TTLL4: variants seen among roughly 807,000 people sequenced by gnomAD.
TTLL4 encodes the protein tubulin monoglutamylase TTLL4.
Under a neutral mutation model 122.7 loss-of-function variants are expected in TTLL4, and 85 were observed. That is an observed-to-expected ratio of 0.69 (90% confidence interval 0.58 to 0.83). The LOEUF is 0.83. TTLL4 is among the 40% of genes least tolerant of loss of function. The pLI is 0.00. For missense variants in TTLL4, 1,363 were observed against 1,488.6 expected (o/e 0.92, Z 1.39); for synonymous variants, 553 against 563.0 (o/e 0.98, Z 0.25).
At position 218,738,293 on chromosome 2, in the gene TTLL4, C is replaced by T; in HGVS notation, c.617C>T (p.Pro206Leu). 2 of 1,614,120 alleles carry T rather than the reference C, an allele frequency of 1.2e-6. No individual in the cohort carries two copies. The highest frequency in any genetic ancestry group is 1.7e-6 in the Non-Finnish European group (2 of 1,180,028). Reference protein sequence around the residue: ...SLASAISGKIPSPLSSSYKPM... With the variant: ...SLASAISGKILSPLSSSYKPM... ...GCCTCTGCCATCTCAGGGAAGATCC[C>T]ATCTCCACTCTCTTCCTCCTATAAG... Residue 206 changes from proline (P) to leucine (L), a missense_variant, in exon 3 of 20, where the codon CCA (proline) becomes CTA (leucine). Pro to Leu is a moderately conservative substitution (Grantham distance 98). Coordinates refer to ENST00000392102, the MANE Select transcript of TTLL4 (RefSeq NM_014640.5).
In TTLL4 at chr2:218,752,954, C is replaced by T; in HGVS notation, c.3168C>T (p.Tyr1056=). Residue 1056 remains tyrosine (Y), a synonymous_variant, in exon 17 of 20, where the codon TAC becomes TAT. Transcript: ENST00000392102. ...NILTTQWEQK[Y]HGNKLKGVDL... ...TCACCACCCAATGGGAACAGAAATA[C>T]CATGGCAACAAGCTTAAAGGTGATG... The T allele has an allele frequency of 6.2e-7, 1 of 1,614,134 alleles. No individual in the cohort carries two copies. The highest frequency in any genetic ancestry group is 8.5e-7 in the Non-Finnish European group (1 of 1,180,026).
intron 14 of TTLL4, 41 bp downstream of exon 14, chr2:218,749,428 A>G (rs1366147925): frequency 1.2e-6 from 2 of 1,605,898 alleles, no homozygotes; most frequent in South Asian, 1.1e-5. Context: ...GAATCCTTCC[A>G]TTATTCTCAC....
At chr2:218,719,295 A>T (rs1941963593) in intron 1 of TTLL4, among the ~76,000 whole-genome samples, 2 of 152,168 alleles carry the variant, frequency 1.3e-5, no homozygotes, top group African/African-American at 4.8e-5. Context: ...CATGAAGCTT[A>T]TAGGGCATAT....
At position 218,738,039 on chromosome 2, in the gene TTLL4, C is replaced by T; in HGVS notation, c.363C>T (p.Ser121=). Residue 121 remains serine (S), a synonymous_variant, in exon 3 of 20, where the codon TCC becomes TCT. Transcript: ENST00000392102. ...ACAGCACCCTGCTATACCGCCGCTC[C>T]AGCTATAGGCAAAAACCGTACCAGC... The part of the protein sequence containing the change: ...LFNSTLLYRR[S]SYRQKPYQQL... 2 of 1,614,160 alleles carry T rather than the reference C, an allele frequency of 1.2e-6. No homozygotes were observed. Among genetic ancestry groups the T allele is most frequent in the Non-Finnish European group, 1.7e-6 (2 of 1,180,040 alleles).
intron 12 of TTLL4, 124 bp from the exon 13 acceptor site, chr2:218,748,712 T>C (rs1942920648): frequency 1.4e-6 from 1 of 690,078 alleles, no homozygotes; most frequent in South Asian, 2.1e-5. Context: ...ATCTCTTTCA[T>C]AATTTAAACT....
intron 14 of TTLL4, 27 bp from the exon 15 acceptor site, chr2:218,749,982 A>G (rs1429246781): frequency 9.3e-6 from 15 of 1,612,408 alleles, no homozygotes; most frequent in Middle Eastern, 1.6e-4. Context: ...TGCTGCTTTG[A>G]CCACTCTTTT....
At chr2:218,722,658 T>G (rs1022865577) in intron 1 of TTLL4, among the ~76,000 whole-genome samples, 1 of 152,162 alleles carries the variant, frequency 6.6e-6, no homozygotes, top group African/African-American at 2.4e-5. Context: ...GATCACATAG[T>G]CCTGGAAGCC....
intron 2 of TTLL4, among the ~76,000 whole-genome samples, chr2:218,730,918 A>G (rs553307571): frequency 6.6e-6 from 1 of 152,306 alleles, no homozygotes; most frequent in South Asian, 2.1e-4. Flanking sequence ...AGCCTGGGCA[A>G]CATAGTGGAA....
chr2:218,732,794 T>C (rs1942416857), intron 2 of TTLL4, among the ~76,000 whole-genome samples: 1 of 152,256 alleles, frequency 6.6e-6, no homozygotes, highest in Non-Finnish European at 1.5e-5. Context: ...TAGTTAGGCC[T>C]CTGCCTCCCA....
intron 6 of TTLL4, 173 bp downstream of exon 6, chr2:218,745,406 G>A (rs1357034091): frequency 1.2e-5 from 10 of 816,622 alleles, no homozygotes; most frequent in African/African-American, 5.2e-5. Flanking sequence ...CCTTTTTCTT[G>A]TCTGTCCTTT....
In TTLL4 at chr2:218,753,330, C is replaced by G. The variant is rs1943075641; in HGVS notation, c.3258+145C>G. Reference sequence around the variant, plus strand: ...CTTCTGTCTCACCATTCTTTCCTTTCAAGGGAATAGTTGCCTCCAGGATTC... The same window carrying G: ...CTTCTGTCTCACCATTCTTTCCTTTGAAGGGAATAGTTGCCTCCAGGATTC... On this transcript the variant is annotated intron_variant, in intron 18 of 19. Coordinates refer to ENST00000392102, the MANE Select transcript of TTLL4 (RefSeq NM_014640.5). 2.9e-6 allele frequency: 3 copies of G among 1,024,364 alleles called. No individual in the cohort carries two copies. In the East Asian group the frequency reaches 7.1e-5, roughly 24 times the overall value. The allele number at this position is 1,024,364 out of a possible 1,614,324, so 63.5% of individuals were successfully genotyped here.
intron 1 of TTLL4, among the ~76,000 whole-genome samples, chr2:218,719,417 GTAAA>G (rs770272172): frequency 1.6e-4 from 24 of 152,120 alleles, no homozygotes; most frequent in Non-Finnish European, 3.2e-4. Context: ...TCTGGAAAAG[GTAAA>G]TAAAATATGG....
intron 2 of TTLL4, among the ~76,000 whole-genome samples, chr2:218,731,274 C>T (rs917716723): frequency 6.6e-6 from 1 of 151,750 alleles, no homozygotes; most frequent in Non-Finnish European, 1.5e-5. Flanking sequence ...AGCCAGGCGT[C>T]GTGGCGGGTG....
chr2:218,716,877 C>CT (rs1575156527), intron 1 of TTLL4, among the ~76,000 whole-genome samples: 2 of 152,184 alleles, frequency 1.3e-5, no homozygotes, highest in East Asian at 3.8e-4. Context: ...GGGTAAGAAT[C>CT]TAATTTCGTG....
chr2:218,752,830 A>G lies in TTLL4; in HGVS notation c.3044A>G (p.Asp1015Gly), dbSNP rs756510278. The change falls in exon 17 of 20, where the codon GAT (aspartate) becomes GGT (glycine). Residue 1015 changes from aspartate to glycine, a missense_variant. By Grantham distance (94) the Asp-to-Gly change is moderately conservative. Around this residue, in one of 3 missense-constraint regions of TTLL4, gnomAD observed 596 missense variants for 655.8 expected, o/e 0.91. Coordinates refer to ENST00000392102, the MANE Select transcript of TTLL4 (RefSeq NM_014640.5). The stretch of plus-strand genomic sequence containing the variant: ...GTTCGGATTCTGGTTGAGATGGAAG[A>G]TGAGTTTTCTCGCCGTGGTCAGTTT... ...DDVRILVEME[D>G]EFSRRGQFER... is the part of the protein sequence containing the mutation. The G allele has an allele frequency of 6.2e-7, 1 of 1,614,008 alleles. No individual in the cohort carries two copies. The highest frequency in any genetic ancestry group is 8.5e-7 in the Non-Finnish European group (1 of 1,180,028).
At chr2:218,758,032 TC>T (rs905938549), downstream of TTLL4, among the ~76,000 whole-genome samples, 1 of 152,148 alleles carries the variant, frequency 6.6e-6, no homozygotes, top group Non-Finnish European at 1.5e-5. Flanking sequence ...CTTTTAGAGT[TC>T]CCCCTGTAGC....
chr2:218,737,743 G>T lies in TTLL4; in HGVS notation c.67G>T (p.Gly23Cys). ...LRQKNSFKQS[G>C]PSGTVPATPP... ...CCAGAAAAACAGCTTCAAGCAGAGT[G>T]GTCCCTCAGGCACAGTACCTGCCAC... The change falls in exon 3 of 20, where the codon GGT becomes TGT. Residue 23 changes from glycine (G) to cysteine (C), a missense_variant. Around this residue, in one of 3 missense-constraint regions of TTLL4, gnomAD observed 760 missense variants for 808.4 expected, o/e 0.94. Coordinates refer to ENST00000392102, the MANE Select transcript of TTLL4 (RefSeq NM_014640.5). 2.5e-6 allele frequency: 4 copies of T among 1,614,088 alleles called. No individual in the cohort carries two copies. The highest frequency in any genetic ancestry group is 3.4e-6 in the Non-Finnish European group (4 of 1,179,982).
At chr2:218,741,622 C>CTT (rs1942703396) in intron 5 of TTLL4, among the ~76,000 whole-genome samples, 1 of 152,134 alleles carries the variant, frequency 6.6e-6, no homozygotes, top group South Asian at 2.1e-4. Flanking sequence ...TCACGGGCAC[C>CTT]CTGAGTCTGA....
At chr2:218,731,693 C>T (rs1200909324) in intron 2 of TTLL4, among the ~76,000 whole-genome samples, 3 of 152,198 alleles carry the variant, frequency 2.0e-5, no homozygotes, top group Non-Finnish European at 4.4e-5. Flanking sequence ...CCCACAACTT[C>T]AGTCGGGGTA....
Sources: gnomAD v4.1 joint callset for allele counts (sites outside exome capture counted in the v4.1 genomes callset) on GRCh38, gnomAD v4.1.1 for gene constraint, gnomAD v4.1.1 regional missense constraint, MANE v1.5 for transcripts, NCBI Gene and HGNC (gene_info 2026-07-23, HGNC 2026-07-21) for gene names.